The following CNTNAP1 variants were observed in gnomAD, a reference collection of about 807,000 sequenced individuals.
CNTNAP1 encodes contactin-associated protein 1.
Under a neutral mutation model 161.5 loss-of-function variants are expected in CNTNAP1, and 80 were observed. The observed-to-expected ratio is 0.50, with a 90% CI of 0.41 to 0.60. The LOEUF (loss-of-function observed/expected upper bound fraction) is 0.60, where lower values mean the gene tolerates loss of function less well. Among genes scored for constraint, CNTNAP1 ranks in the 20% least tolerant of loss-of-function variants. The pLI is 0.00. For synonymous variants in CNTNAP1, 695 were observed against 733.1 expected (o/e 0.95, Z 0.84); for missense variants, 1,464 against 1,854.8 (o/e 0.79, Z 3.87).
At position 42,685,412 on chromosome 17, in the gene CNTNAP1, T is replaced by C; in HGVS notation, c.707T>C (p.Met236Thr). 2.5e-6 allele frequency: 4 copies of C among 1,601,482 alleles called. No homozygotes were observed. The highest frequency in any genetic ancestry group is 2.5e-6 in the Non-Finnish European group (3 of 1,179,450). ...ELEGAHLLLH[M>T]SLGSSPIQPR... ...GAGGGGGCACACCTGCTGCTGCACA[T>C]GAGCCTGGGTGAGCTCGGCGACCAT... Residue 236 changes from methionine (M) to threonine (T), a missense_variant, in exon 5 of 24, where the codon ATG becomes ACG. Physicochemically the swap from Met to Thr is moderately conservative, Grantham distance 81. Around this residue, in one of 3 missense-constraint regions of CNTNAP1, gnomAD observed 1,383 missense variants for 1,765.0 expected, o/e 0.78. Transcript: ENST00000264638. The surrounding 1 kb of genome is among the most constrained non-coding windows in gnomAD (Gnocchi z 5.0).
chr17:42,697,211 C>A (rs1435730393), intron 20 of CNTNAP1, 63 bp from the exon 21 acceptor site: 6 of 1,142,878 alleles, frequency 5.2e-6, no homozygotes, highest in Non-Finnish European at 6.6e-6. Context: ...CAGTCCAGCC[C>A]ACAGGCATCT....
intron 18 of CNTNAP1, 39 bp downstream of exon 18, chr17:42,693,575 G>T: frequency 6.3e-7 from 1 of 1,598,756 alleles, no homozygotes; most frequent in South Asian, 1.1e-5. Flanking sequence ...GGAGCCATAG[G>T]GTGTAATGGG....
chr17:42,689,004 T>G lies in CNTNAP1; in HGVS notation c.1585T>G (p.Phe529Val), dbSNP rs2143658895. 1.2e-6 allele frequency: 2 copies of G among 1,609,940 alleles called. 1 individual carries two copies. The highest frequency in any genetic ancestry group is 3.3e-4 in the Middle Eastern group (2 of 6,044). The change falls in exon 10 of 24, where the codon TTC becomes GTC. Residue 529 changes from phenylalanine (F) to valine (V), a missense_variant. Physicochemically the swap from Phe to Val is conservative, Grantham distance 50 (BLOSUM62 -1). This residue lies in a region of CNTNAP1 where 1,383 missense variants were observed against 1,765.0 expected (regional missense o/e 0.78). Coordinates refer to ENST00000264638, the MANE Select transcript of CNTNAP1 (RefSeq NM_003632.3). The stretch of plus-strand genomic sequence containing the variant: ...TCTGGTGGAGGGCCGGCGGCTTGGA[T>G]TCTATGCTGAGGTCCTCTTTGATAC... ...LTLVEGRRLG[F>V]YAEVLFDTCG...
chr17:42,686,792 A>C, intron 6 of CNTNAP1, 111 bp from the exon 7 acceptor site: 1 of 1,286,448 alleles, frequency 7.8e-7, no homozygotes, highest in Non-Finnish European at 1.1e-6. Flanking sequence ...GTGTGTTTTA[A>C]GTCTTTTACA....
chr17:42,683,260 C>A, intron 1 of CNTNAP1: 1 of 757,872 alleles, frequency 1.3e-6, no homozygotes, highest in Non-Finnish European at 1.7e-6. Context: ...TTGGAGCTGG[C>A]CAAGGGGTGG....
At chr17:42,689,291 G>A (rs982326509) in intron 10 of CNTNAP1, among the ~76,000 whole-genome samples, 1 of 152,056 alleles carries the variant, frequency 6.6e-6, no homozygotes, top group Non-Finnish European at 1.5e-5. Flanking sequence ...GGGGATGATA[G>A]GGGTAGAATA....
intron 18 of CNTNAP1, among the ~76,000 whole-genome samples, chr17:42,694,313 A>G (rs1179619818): frequency 6.6e-6 from 1 of 151,502 alleles, no homozygotes; most frequent in Admixed American, 6.6e-5. Context: ...CTGGGATTAC[A>G]AGTGTGTGCC....
At chr17:42,684,317 G>A (rs528137925) in intron 3 of CNTNAP1, 88 bp downstream of exon 3, 11 of 1,331,994 alleles carry the variant, frequency 8.3e-6, no homozygotes, top group African/African-American at 1.5e-5. Context: ...AAAATGGAGG[G>A]GGTGGTGGTG....
chr17:42,688,447 T>A lies in CNTNAP1; in HGVS notation c.1307-15T>A. ...CTGCTTCCCTCCACCCACACCATCA[T>A]CCATTCTTGTCCAGGGTACCGACTG... On this transcript the variant is annotated splice_polypyrimidine_tract_variant and intron_variant, in intron 8 of 23. Transcript: ENST00000264638. 6.2e-7 allele frequency: 1 copy of A among 1,614,128 alleles called. No homozygotes were observed. Among genetic ancestry groups the A allele is most frequent in the Non-Finnish European group, 8.5e-7 (1 of 1,180,008 alleles).
intron 17 of CNTNAP1, 42 bp downstream of exon 17, chr17:42,692,762 T>C: frequency 6.5e-7 from 1 of 1,539,428 alleles, no homozygotes; most frequent in Non-Finnish European, 8.8e-7. Flanking sequence ...CTCCTTTACC[T>C]CCCCATCCTC....
chr17:42,683,853 T>A lies in CNTNAP1; in HGVS notation c.100T>A (p.Tyr34Asn). 6.2e-7 allele frequency: 1 copy of A among 1,612,734 alleles called. No individual in the cohort carries two copies. Among genetic ancestry groups the A allele is most frequent in the South Asian group, 1.1e-5 (1 of 91,082 alleles). Residue 34 changes from tyrosine (Y) to asparagine (N), a missense_variant, in exon 2 of 24, where the codon TAT becomes AAT. Tyr to Asn is a moderately radical substitution (Grantham distance 143, BLOSUM62 -2). Coordinates refer to ENST00000264638, the MANE Select transcript of CNTNAP1 (RefSeq NM_003632.3). ...GCDEELVGPLYARSLGASSYY... is the reference protein window; with the variant it reads ...GCDEELVGPLNARSLGASSYY... The stretch of plus-strand genomic sequence containing the variant: ...CGACGAGGAGCTGGTGGGTCCCCTG[T>A]ATGCACGCTCCCTGGGCGCCTCCTC...
At chr17:42,697,511 C>T (rs372934220) in intron 21 of CNTNAP1, 43 bp from the exon 22 acceptor site, 98 of 1,611,546 alleles carry the variant, frequency 6.1e-5, no homozygotes, top group Non-Finnish European at 7.6e-5. Flanking sequence ...GTGGCAGGGC[C>T]TTTGGGTCCA....
chr17:42,693,168 C>G, intron 17 of CNTNAP1, 129 bp from the exon 18 acceptor site: 1 of 1,104,134 alleles, frequency 9.1e-7, no homozygotes, highest in East Asian at 2.4e-5. Flanking sequence ...ATCATGTTAG[C>G]CAGGATGGTC....
chr17:42,697,592 A>G lies in CNTNAP1; in HGVS notation c.3607A>G (p.Thr1203Ala), dbSNP rs141066536. 3.1e-6 allele frequency: 5 copies of G among 1,613,536 alleles called. No individual in the cohort carries two copies. The South Asian group carries it at 4.4e-5, about 14-fold the overall frequency. The change falls in exon 22 of 24, where the codon ACC becomes GCC. Residue 1203 changes from threonine (T) to alanine (A), a missense_variant. Transcript: ENST00000264638. ...TGACCCGGAGATCCAGCGCTACAAC[A>G]CCCCAGGTTTCTCAGGCTGCCTGTC... Reference protein sequence around the residue: ...VIDPEIQRYNTPGFSGCLSGV... With the variant: ...VIDPEIQRYNAPGFSGCLSGV...
In CNTNAP1 at chr17:42,685,991, C is replaced by A. The variant is rs779237919; in HGVS notation, c.750C>A (p.Thr250=). ...CTATCCAGCCAAGACCAGGTCACAC[C>A]ACCGTGAGCGCAGGCGGAGTCCTCA... The part of the protein sequence containing the change: ...SSPIQPRPGH[T]TVSAGGVLND... The change falls in exon 6 of 24, where the codon ACC becomes ACA. Residue 250 remains threonine (T), a synonymous_variant. Coordinates refer to ENST00000264638, the MANE Select transcript of CNTNAP1 (RefSeq NM_003632.3). The surrounding 1 kb of genome is among the most constrained non-coding windows in gnomAD (Gnocchi z 5.0). 1 of 1,614,192 alleles carries A rather than the reference C, an allele frequency of 6.2e-7. No homozygotes were observed.
chr17:42,683,097 G>C, intron 1 of CNTNAP1: 1 of 627,554 alleles, frequency 1.6e-6, no homozygotes, highest in South Asian at 2.0e-5. Context: ...GCTGGGGCTG[G>C]GCTCTGGGAA....
Position 42,698,986 on chromosome 17 carries a change from C to T in CNTNAP1, c.*76C>T. The T allele has an allele frequency of 2.2e-6, 3 of 1,349,312 alleles. No homozygotes were observed. The highest frequency in any genetic ancestry group is 3.0e-6 in the Non-Finnish European group (3 of 1,008,650). 83.6% of individuals were successfully genotyped at this position (1,349,312 alleles called of 1,614,324 possible). On this transcript the variant is annotated 3_prime_UTR_variant, in exon 24 of 24. Coordinates refer to ENST00000264638, the MANE Select transcript of CNTNAP1 (RefSeq NM_003632.3). ...TGCCTCTCCCCCATCCTATCAGGGA[C>T]ATTTGGCTCCTCTTAGCTGGCTCTG... is the stretch of plus-strand genomic sequence containing the variant.
intron 1 of CNTNAP1, chr17:42,683,203 G>GC: frequency 3.7e-6 from 2 of 542,180 alleles, no homozygotes; most frequent in Non-Finnish European, 3.1e-6. Flanking sequence ...GTGTATACTG[G>GC]TGACCGATAC....
chr17:42,688,524 G>T lies in CNTNAP1; in HGVS notation c.1369G>T (p.Val457Phe). 6.2e-7 allele frequency: 1 copy of T among 1,614,220 alleles called. No homozygotes were observed. Among genetic ancestry groups the T allele is most frequent in the East Asian group, 2.2e-5 (1 of 44,888 alleles). ...VNFVAQENHA[V>F]ISIDDVEGAE... is the part of the protein sequence containing the mutation. ...TTTTGTGGCACAGGAAAACCATGCA[G>T]TTATCAGCATTGATGATGTGGAAGG... is the stretch of plus-strand genomic sequence containing the variant. The change falls in exon 9 of 24, where the codon GTT becomes TTT. Residue 457 changes from valine (V) to phenylalanine (F), a missense_variant. Coordinates refer to ENST00000264638, the MANE Select transcript of CNTNAP1 (RefSeq NM_003632.3).
Sources: gnomAD v4.1 joint callset for allele counts (sites outside exome capture counted in the v4.1 genomes callset) on GRCh38, gnomAD v4.1.1 for gene constraint, gnomAD v4.1.1 regional missense constraint, Gnocchi (gnomAD v3.1) non-coding constraint, MANE v1.5 for transcripts, NCBI Gene and HGNC (gene_info 2026-07-23, HGNC 2026-07-21) for gene names.